EZR: variants seen among roughly 807,000 people sequenced by gnomAD.
EZR encodes the protein cytovillin 2.
Under a neutral mutation model 74.8 loss-of-function variants are expected in EZR, and 40 were observed. The ratio of observed to expected loss-of-function variants is 0.53; its 90% CI spans 0.42 to 0.70. The LOEUF (loss-of-function observed/expected upper bound fraction) is 0.70, where lower values mean the gene tolerates loss of function less well. Ranked by LOEUF, EZR falls within the 30% of genes least tolerant of loss-of-function variation. The pLI is 0.00. For missense variants in EZR, 678 were observed against 755.8 expected (o/e 0.90, Z 1.21); for synonymous variants, 341 against 283.3 (o/e 1.20, Z -2.05).
intron 2 of EZR, among the ~76,000 whole-genome samples, chr6:158,805,376 C>A (rs961571327): frequency 2.8e-5 from 4 of 142,914 alleles, no homozygotes; most frequent in Admixed American, 7.0e-5. Flanking sequence ...CGAAAAATTT[C>A]TTTGCTAACC....
intron 2 of EZR, among the ~76,000 whole-genome samples, chr6:158,817,750 A>T (rs1777589838): frequency 6.6e-6 from 1 of 152,150 alleles, no homozygotes; most frequent in African/African-American, 2.4e-5. Flanking sequence ...TGGACTTTTT[A>T]AGAAACTTCT....
chr6:158,794,997 TCA>T (rs889300054), intron 2 of EZR, among the ~76,000 whole-genome samples: 19 of 152,312 alleles, frequency 1.2e-4, no homozygotes, highest in African/African-American at 4.3e-4. Flanking sequence ...ACACCTGTAA[TCA>T]CAGCACTCTG....
At chr6:158,814,869 G>A (rs188564181) in intron 2 of EZR, among the ~76,000 whole-genome samples, 2 of 152,152 alleles carry the variant, frequency 1.3e-5, no homozygotes, top group South Asian at 2.1e-4. Context: ...GTTGCTTTTG[G>A]GAAACAGTAT....
At chr6:158,772,587 G>A (rs944435135) in intron 8 of EZR, among the ~76,000 whole-genome samples, 9 of 152,300 alleles carry the variant, frequency 5.9e-5, no homozygotes, top group South Asian at 2.1e-4. Context: ...CGGGAAACTC[G>A]TGACCATGAC....
intron 7 of EZR, among the ~76,000 whole-genome samples, chr6:158,777,350 C>T (rs1791309394): frequency 6.6e-6 from 1 of 152,254 alleles, no homozygotes; most frequent in Non-Finnish European, 1.5e-5. Context: ...AAACTAACCG[C>T]CCTAATGAAG....
rs769530047 is a variant in EZR, at chr6:158,807,225, G to A, written c.12+10857C>T. 1.3e-5 allele frequency among the ~76,000 whole-genome samples: 2 copies of A among 151,584 alleles called. 1 individual carries two copies. Among genetic ancestry groups the A allele is most frequent in the African/African-American group, 4.8e-5 (2 of 41,322 alleles). Reference sequence around the variant, plus strand: ...AGCTACTCGGGAGGCTGAGGCAGGAGAATGGCGTGAACCCGGGAGGTGGAG... The same window carrying A: ...AGCTACTCGGGAGGCTGAGGCAGGAAAATGGCGTGAACCCGGGAGGTGGAG... On this transcript the variant is annotated intron_variant, in intron 2 of 13. Coordinates refer to ENST00000367075, the MANE Select transcript of EZR (RefSeq NM_001111077.2).
At chr6:158,778,838 C>T (rs1236048289) in intron 7 of EZR, among the ~76,000 whole-genome samples, 1 of 152,200 alleles carries the variant, frequency 6.6e-6, no homozygotes, top group South Asian at 2.1e-4. Flanking sequence ...AAGACCGAAA[C>T]ACATATCCAT....
rs192584882 is a variant in EZR at position 158,818,017 on chromosome 6, G to A, written c.12+65C>T. On this transcript the variant is annotated intron_variant, in intron 2 of 13. Transcript: ENST00000367075. ...CCCAGGAACTGCCCCAACACCTCGA[G>A]CAGGTGCCTCCCCTCTCCAATGAAG... 5 of 1,543,632 alleles carry A rather than the reference G, an allele frequency of 3.2e-6. No individual in the cohort carries two copies. In the African/African-American group the frequency reaches 5.5e-5, roughly 17 times the overall value.
chr6:158,774,672 AACACACACACACACACACACAC>A (rs56400693), intron 8 of EZR, among the ~76,000 whole-genome samples: 308 of 142,512 alleles, frequency 2.2e-3, no homozygotes, highest in African/African-American at 7.7e-3. Context: ...CTTATCATCA[AACACACACACACACACACACAC>A]ACACACACAC....
chr6:158,784,617 A>G (rs756652336), intron 6 of EZR, 27 bp downstream of exon 6: 1 of 1,603,218 alleles, frequency 6.2e-7, no homozygotes, highest in African/African-American at 1.3e-5. Context: ...AGATGGCAAG[A>G]TCCCAACAGC....
Position 158,768,843 on chromosome 6 carries a change from G to A in EZR, c.1344+483C>T, listed in dbSNP as rs1035933075. Among the ~76,000 whole-genome samples, 25 of 152,342 alleles carry A rather than the reference G, an allele frequency of 1.6e-4. No homozygotes were observed. The East Asian group carries it at 4.8e-3, about 29-fold the overall frequency. ...TGCTACTAGCCCCCAAATAGCTGATGAGCAGCAGAGCCCAGCTCTCACTCC... is the reference window on the plus strand; with the variant it reads ...TGCTACTAGCCCCCAAATAGCTGATAAGCAGCAGAGCCCAGCTCTCACTCC... On this transcript the variant is annotated intron_variant, in intron 12 of 13. Transcript: ENST00000367075.
intron 9 of EZR, 70 bp from the exon 10 acceptor site, chr6:158,770,964 A>G: frequency 2.5e-6 from 4 of 1,603,984 alleles, no homozygotes; most frequent in Non-Finnish European, 3.4e-6. Context: ...AACACACTTC[A>G]CGGGTACTTG....
In EZR at chr6:158,776,415, T is replaced by C; in HGVS notation, c.788A>G (p.Lys263Arg). Residue 263 changes from lysine to arginine, a missense_variant, in exon 8 of 14, where the codon AAG becomes AGG. Around this residue, in one of 3 missense-constraint regions of EZR, gnomAD observed 119 missense variants for 182.3 expected, o/e 0.65. Transcript: ENST00000367075. ...GAATCCTTTGGAACTTACAGGTGCC[T>C]TCTTGTCGATGGGTTTAATGACAAA... ...KKFVIKPIDKKAPDFVFYAPR... is the reference protein window; with the variant it reads ...KKFVIKPIDKRAPDFVFYAPR... 6.2e-7 allele frequency: 1 copy of C among 1,613,498 alleles called. No individual in the cohort carries two copies. Among genetic ancestry groups the C allele is most frequent in the East Asian group, 2.2e-5 (1 of 44,874 alleles).
At chr6:158,802,529 T>C (rs1777208338) in intron 2 of EZR, among the ~76,000 whole-genome samples, 1 of 152,158 alleles carries the variant, frequency 6.6e-6, no homozygotes, top group Non-Finnish European at 1.5e-5. Context: ...TTTTTGGTGG[T>C]AGTGTTTTGT....
At chr6:158,773,202 G>A (rs1035554316) in intron 8 of EZR, among the ~76,000 whole-genome samples, 2 of 152,134 alleles carry the variant, frequency 1.3e-5, no homozygotes, top group Admixed American at 6.5e-5. Flanking sequence ...GTGCATGGGT[G>A]GGGGGATCAA....
intron 4 of EZR, among the ~76,000 whole-genome samples, chr6:158,786,148 C>A (rs886967958): frequency 6.6e-6 from 1 of 151,954 alleles, no homozygotes; most frequent in African/African-American, 2.4e-5. Flanking sequence ...CTGAGGTGGG[C>A]GGACCACGAG....
At chr6:158,798,622 C>CTT (rs147757313) in intron 2 of EZR, among the ~76,000 whole-genome samples, 204 of 122,116 alleles carry the variant, frequency 1.7e-3, no homozygotes, top group Middle Eastern at 4.9e-3. Flanking sequence ...TGCTGCTCCG[C>CTT]TTTTTTTTTT....
intron 9 of EZR, 69 bp downstream of exon 9, chr6:158,771,175 C>G: frequency 3.4e-6 from 5 of 1,464,390 alleles, no homozygotes; most frequent in South Asian, 1.3e-5. Context: ...AGTCACCTGA[C>G]AGGCACTGGC....
At chr6:158,776,900 C>T (rs1334523609) in intron 7 of EZR, among the ~76,000 whole-genome samples, 8 of 152,216 alleles carry the variant, frequency 5.3e-5, no homozygotes, top group Non-Finnish European at 1.0e-4. Context: ...AGCCCACTCT[C>T]AAGCTGTGTG....
Sources: allele counts gnomAD v4.1 joint callset (sites outside exome capture counted in the v4.1 genomes callset), GRCh38; gene constraint gnomAD v4.1.1; regional missense constraint gnomAD v4.1.1; transcripts MANE v1.5; gene names NCBI Gene and HGNC (gene_info 2026-07-23, HGNC 2026-07-21).